The following DNAJC13 variants were observed in gnomAD, a reference collection of about 807,000 sequenced individuals.
The protein encoded by DNAJC13 is DnaJ heat shock protein family (Hsp40) member C13.
Under a neutral mutation model 290.5 loss-of-function variants are expected in DNAJC13, and 75 were observed. The observed-to-expected ratio is 0.26, with a 90% CI of 0.21 to 0.31. DNAJC13 has a LOEUF of 0.31. Ranked by LOEUF, DNAJC13 falls within the 10% of genes least tolerant of loss-of-function variation. The probability of loss-of-function intolerance (pLI) is 1.00; values close to 1 mark genes in which losing one functional copy is unlikely to be tolerated. For missense variants in DNAJC13, 2,260 were observed against 2,674.5 expected (o/e 0.85, Z 3.42); for synonymous variants, 862 against 892.0 (o/e 0.97, Z 0.60).
At chr3:132,499,937 T>C (rs1935358913) in intron 38 of DNAJC13, 129 bp downstream of exon 38, 4 of 777,634 alleles carry the variant, frequency 5.1e-6, no homozygotes, top group Non-Finnish European at 8.5e-6. Flanking sequence ...CCCAAGTTTC[T>C]GATTCAGTGA....
At chr3:132,481,064 A>G (rs1934655095) in intron 26 of DNAJC13, among the ~76,000 whole-genome samples, 1 of 152,120 alleles carries the variant, frequency 6.6e-6, no homozygotes, top group South Asian at 2.1e-4. Flanking sequence ...GAATCCCCCA[A>G]CAGCCCTTGG....
At chr3:132,511,744 A>T (rs554807808) in intron 44 of DNAJC13, among the ~76,000 whole-genome samples, 1 of 152,308 alleles carries the variant, frequency 6.6e-6, no homozygotes, top group East Asian at 1.9e-4. Flanking sequence ...TTCCAAAAAC[A>T]TTACTCTAGC....
intron 26 of DNAJC13, among the ~76,000 whole-genome samples, chr3:132,481,404 T>C (rs974967149): frequency 2.6e-5 from 4 of 151,850 alleles, no homozygotes; most frequent in African/African-American, 7.3e-5. Flanking sequence ...CCTAAGCAAA[T>C]TGGCAAAACC....
chr3:132,431,728 G>C (rs1163566385), intron 1 of DNAJC13, among the ~76,000 whole-genome samples: 3 of 152,154 alleles, frequency 2.0e-5, no homozygotes, highest in Non-Finnish European at 4.4e-5. Flanking sequence ...CCAAAAGGTA[G>C]AAACAACACC....
chr3:132,482,171 T>C (rs1934699519), intron 26 of DNAJC13, 55 bp from the exon 27 acceptor site: 1 of 1,478,544 alleles, frequency 6.8e-7, no homozygotes, highest in Non-Finnish European at 9.3e-7. Context: ...TTTTACGACA[T>C]CTGGTCTTTT....
At chr3:132,452,929 G>T (rs990402218) in intron 6 of DNAJC13, among the ~76,000 whole-genome samples, 1 of 152,190 alleles carries the variant, frequency 6.6e-6, no homozygotes, top group Non-Finnish European at 1.5e-5. Context: ...TTAAATCAGA[G>T]CTGCGTTGTT....
chr3:132,530,979 GC>G lies in DNAJC13; in HGVS notation c.6526-18del, dbSNP rs748657568. The G allele has an allele frequency of 8.1e-6, 13 of 1,603,832 alleles. No individual in the cohort carries two copies. In the South Asian group the frequency reaches 1.4e-4, roughly 18 times the overall value. ...CAGTCCTTGATTTTATGTTCAAAGGGCTTGTTTTACTTTCCTAGGTGAATGA... is the reference window on the plus strand; with the variant it reads ...CAGTCCTTGATTTTATGTTCAAAGGGTTGTTTTACTTTCCTAGGTGAATGA... On this transcript the variant is annotated intron_variant, in intron 54 of 55. Coordinates refer to ENST00000260818, the MANE Select transcript of DNAJC13 (RefSeq NM_015268.4).
At chr3:132,488,242 A>G (rs1934947142) in intron 29 of DNAJC13, 56 bp from the exon 30 acceptor site, 2 of 1,488,728 alleles carry the variant, frequency 1.3e-6, no homozygotes, top group Admixed American at 2.1e-5. Context: ...TAAAAAACCT[A>G]AAGTGATGAT....
rs909492150 is a variant in DNAJC13, at chr3:132,490,392, C to T, written c.3469-505C>T. Among the ~76,000 whole-genome samples the T allele has an allele frequency of 2.0e-5, 3 of 152,254 alleles. No individual in the cohort carries two copies. In the East Asian group the frequency reaches 5.8e-4, roughly 29 times the overall value. The stretch of plus-strand genomic sequence containing the variant: ...TTGGCCTGCCAGAGGATATGGACTT[C>T]GCAAAGCAGTTAATTATAATTACTT... On this transcript the variant is annotated intron_variant, in intron 31 of 55. Transcript: ENST00000260818.
intron 2 of DNAJC13, among the ~76,000 whole-genome samples, chr3:132,438,036 G>A (rs995596673): frequency 2.3e-5 from 3 of 131,724 alleles, no homozygotes; most frequent in African/African-American, 9.0e-5. Context: ...GGGCGACAGA[G>A]TAAGACCGTG....
intron 25 of DNAJC13, 59 bp from the exon 26 acceptor site, chr3:132,480,310 G>T: frequency 8.6e-7 from 1 of 1,164,878 alleles, no homozygotes; most frequent in Non-Finnish European, 1.3e-6. Flanking sequence ...GTACTATTGG[G>T]ATAGGTTTTA....
intron 1 of DNAJC13, among the ~76,000 whole-genome samples, chr3:132,425,166 C>T (rs1559863031): frequency 6.6e-6 from 1 of 152,128 alleles, no homozygotes; most frequent in African/African-American, 2.4e-5. Context: ...ATCTATTACT[C>T]TTATTAGTTA....
chr3:132,432,244 C>T (rs1256249546), intron 1 of DNAJC13, among the ~76,000 whole-genome samples: 2 of 151,736 alleles, frequency 1.3e-5, no homozygotes, highest in Non-Finnish European at 2.9e-5. Context: ...GCTCTGTTAC[C>T]CAGGCTGGAG....
intron 13 of DNAJC13, among the ~76,000 whole-genome samples, chr3:132,459,411 G>A (rs1933719282): frequency 6.6e-6 from 1 of 152,094 alleles, no homozygotes; most frequent in Non-Finnish European, 1.5e-5. Flanking sequence ...GGTTGCCAGG[G>A]GCTTGGGAGG....
At chr3:132,438,802 GCTT>G (rs1300717738) in intron 2 of DNAJC13, among the ~76,000 whole-genome samples, 1 of 152,162 alleles carries the variant, frequency 6.6e-6, no homozygotes, top group Non-Finnish European at 1.5e-5. Context: ...TGGCAAAGTA[GCTT>G]CTTCTGCGCT....
Position 132,525,723 on chromosome 3 carries a change from G to A in DNAJC13, c.6174G>A (p.Met2058Ile). The change falls in exon 52 of 56, where the codon ATG (methionine) becomes ATA (isoleucine). Residue 2058 changes from methionine (M) to isoleucine (I), a missense_variant. Coordinates refer to ENST00000260818, the MANE Select transcript of DNAJC13 (RefSeq NM_015268.4). Reference sequence around the variant, plus strand: ...ATCTTCCCAAAGTTATCCAGGCAATGAATCATAGGAACAATGCCATTCCTA... The same window carrying A: ...ATCTTCCCAAAGTTATCCAGGCAATAAATCATAGGAACAATGCCATTCCTA... ...LGHLPKVIQA[M>I]NHRNNAIPKS... is the part of the protein sequence containing the mutation. The A allele has an allele frequency of 6.2e-7, 1 of 1,614,210 alleles. No individual in the cohort carries two copies.
intron 51 of DNAJC13, among the ~76,000 whole-genome samples, chr3:132,525,307 T>C (rs1936221169): frequency 6.6e-6 from 1 of 152,152 alleles, no homozygotes; most frequent in Non-Finnish European, 1.5e-5. Flanking sequence ...GCCATTGCAC[T>C]CCAGCCTGGG....
chr3:132,495,306 C>T (rs759171193), intron 35 of DNAJC13, 140 bp downstream of exon 35: 3 of 602,148 alleles, frequency 5.0e-6, no homozygotes, highest in Admixed American at 3.2e-5. Context: ...CTTCTGGCCA[C>T]ATGCCCATAG....
At chr3:132,451,399 A>G (rs779122298) in intron 6 of DNAJC13, among the ~76,000 whole-genome samples, 8 of 152,224 alleles carry the variant, frequency 5.3e-5, no homozygotes, top group Non-Finnish European at 8.8e-5. Context: ...CTGAGTATGC[A>G]TTGAAACTTC....
Sources: allele counts gnomAD v4.1 joint callset (sites outside exome capture counted in the v4.1 genomes callset), GRCh38; gene constraint gnomAD v4.1.1; transcripts MANE v1.5; gene names NCBI Gene and HGNC (gene_info 2026-07-23, HGNC 2026-07-21).